KIAA1217: variants seen among roughly 807,000 people sequenced by gnomAD.
KIAA1217 encodes the protein KIAA1217.
In KIAA1217, 88 loss-of-function variants were observed where a neutral mutation model predicts 163.9. The ratio of observed to expected loss-of-function variants is 0.54; its 90% confidence interval spans 0.45 to 0.64. The LOEUF (loss-of-function observed/expected upper bound fraction) is 0.64, where lower values mean the gene tolerates loss of function less well. KIAA1217 is among the 30% of genes least tolerant of loss of function. The pLI, the probability that KIAA1217 is intolerant of heterozygous loss-of-function variation, is 0.00. For missense variants in KIAA1217, 2,372 were observed against 2,475.0 expected, an observed-to-expected ratio of 0.96 and a Z score of 0.88; for synonymous variants, 903 against 923.1, an observed-to-expected ratio of 0.98 and a Z score of 0.39.
rs114309617 is a variant in KIAA1217 at position 23,908,677 on chromosome 10, A to G, written c.-320-98548A>G. On this transcript the variant is annotated intron_variant, in intron 1 of 18. Coordinates refer to the KIAA1217 transcript ENST00000376462. ...AGTCTCTTCAGTGTCAACATTTTCA[A>G]TATCTCCCTATGCACAATGCAGTAC... Among the ~76,000 whole-genome samples the G allele has an allele frequency of 2.7e-3, 406 of 152,166 alleles. 2 individuals are homozygous for G. The highest frequency in any genetic ancestry group is 9.2e-3 in the African/African-American group (381 of 41,534).
At chr10:23,964,160 C>A (rs1844950145) in intron 1 of KIAA1217, among the ~76,000 whole-genome samples, 1 of 152,034 alleles carries the variant, frequency 6.6e-6, no homozygotes, top group Admixed American at 6.6e-5. Flanking sequence ...CCTCAGCCTC[C>A]CAAAGTGCTA....
chr10:23,867,571 T>C (rs1840253641), intron 1 of KIAA1217, among the ~76,000 whole-genome samples: 1 of 152,206 alleles, frequency 6.6e-6, no homozygotes, highest in African/African-American at 2.4e-5. Flanking sequence ...TATCTCATTG[T>C]GGTTTTGATT....
At chr10:23,858,256 C>A (rs1280724817) in intron 1 of KIAA1217, among the ~76,000 whole-genome samples, 2 of 152,018 alleles carry the variant, frequency 1.3e-5, no homozygotes, top group East Asian at 3.9e-4. Flanking sequence ...TTCAATTTAG[C>A]CTGAGAATGT....
intron 2 of KIAA1217, among the ~76,000 whole-genome samples, chr10:24,236,575 T>C (rs2131205992): frequency 6.6e-6 from 1 of 152,140 alleles, no homozygotes; most frequent in East Asian, 1.9e-4. Flanking sequence ...ATTCAGGCCA[T>C]AAATAGTTAA....
intron 1 of KIAA1217, among the ~76,000 whole-genome samples, chr10:23,728,095 C>T (rs372783114): frequency 2.0e-5 from 3 of 152,134 alleles, no homozygotes; most frequent in Non-Finnish European, 4.4e-5. Context: ...GTGAATAATG[C>T]TGCAATAAAC....
chr10:24,065,351 C>A (rs1201962179), intron 2 of KIAA1217, among the ~76,000 whole-genome samples: 4 of 151,962 alleles, frequency 2.6e-5, no homozygotes, highest in Non-Finnish European at 4.4e-5. Flanking sequence ...TGTCTTTGTT[C>A]TCGTTGGTTT....
chr10:24,147,670 C>T (rs1445815425), intron 2 of KIAA1217, among the ~76,000 whole-genome samples: 2 of 150,874 alleles, frequency 1.3e-5, no homozygotes, highest in Non-Finnish European at 3.0e-5. Context: ...TGACGAAATC[C>T]AGTCTCCATT....
intron 1 of KIAA1217, among the ~76,000 whole-genome samples, chr10:23,789,768 A>G (rs1205018109): frequency 2.0e-5 from 3 of 151,888 alleles, no homozygotes; most frequent in Non-Finnish European, 2.9e-5. Flanking sequence ...GGAAGTTCTT[A>G]TAAGTACTAT....
chr10:23,788,467 C>T (rs1835596573), intron 1 of KIAA1217, among the ~76,000 whole-genome samples: 1 of 152,120 alleles, frequency 6.6e-6, no homozygotes, highest in East Asian at 1.9e-4. Context: ...TCTCCAGATG[C>T]CCAGAATTTA....
chr10:24,435,093 T>TA (rs2059918233), intron 4 of KIAA1217, among the ~76,000 whole-genome samples: 1 of 152,246 alleles, frequency 6.6e-6, no homozygotes, highest in African/African-American at 2.4e-5. Flanking sequence ...ATAATAAATG[T>TA]AAACTGATCT....
In KIAA1217 at chr10:24,473,399, G is replaced by T; in HGVS notation, c.1018G>T (p.Val340Phe). ...TTATGGGGGCACCCGCTCCATGGTT[G>T]TTCCTGGCAATGCCACCATCCCCAG... ...IPYGGTRSMV[V>F]PGNATIPRDR... The change falls in exon 6 of 21, where the codon GTT becomes TTT. Residue 340 changes from valine (V) to phenylalanine (F), a missense_variant. Physicochemically the swap from Val to Phe is conservative, Grantham distance 50. Coordinates refer to ENST00000376454, the MANE Select transcript of KIAA1217 (RefSeq NM_019590.5). The T allele has an allele frequency of 6.2e-7, 1 of 1,613,726 alleles. No homozygotes were observed. Among genetic ancestry groups the T allele is most frequent in the Non-Finnish European group, 8.5e-7 (1 of 1,179,862 alleles).
chr10:24,411,668 C>A lies in KIAA1217; in HGVS notation c.554-21327C>A, dbSNP rs374741405. ...TATAAATTTTCTTAAATTGAGACAT[C>A]CTTTTCTATTATATTTGCAAGTATC... is the stretch of plus-strand genomic sequence containing the variant. On this transcript the variant is annotated intron_variant, in intron 3 of 20. Coordinates refer to ENST00000376454, the MANE Select transcript of KIAA1217 (RefSeq NM_019590.5). Among the ~76,000 whole-genome samples, 14 of 152,006 alleles carry A rather than the reference C, an allele frequency of 9.2e-5. No individual in the cohort carries two copies. The East Asian group carries it at 1.3e-3, about 15-fold the overall frequency.
At chr10:23,998,259 C>G (rs12358374) in intron 1 of KIAA1217, among the ~76,000 whole-genome samples, 1 of 152,114 alleles carries the variant, frequency 6.6e-6, no homozygotes, top group African/African-American at 2.4e-5. Context: ...ACTTTGCAGT[C>G]TGGCCCCATC....
intron 2 of KIAA1217, among the ~76,000 whole-genome samples, chr10:24,134,658 C>T (rs1300776636): frequency 2.6e-5 from 4 of 152,132 alleles, no homozygotes; most frequent in Non-Finnish European, 5.9e-5. Flanking sequence ...ACTGCAGCCT[C>T]GAACCCCTGG....
intron 2 of KIAA1217, among the ~76,000 whole-genome samples, chr10:24,332,530 A>G (rs1216546378): frequency 4.6e-5 from 7 of 152,046 alleles, no homozygotes; most frequent in Admixed American, 4.6e-4. Flanking sequence ...ATGTGGTTTT[A>G]AAAAGAGCAA....
intron 2 of KIAA1217, among the ~76,000 whole-genome samples, chr10:24,169,255 T>C (rs1345485278): frequency 6.6e-6 from 1 of 152,226 alleles, no homozygotes; most frequent in Non-Finnish European, 1.5e-5. Context: ...CTCATCACAC[T>C]TGGCATAAAA....
At chr10:24,230,355 A>G (rs904235992) in intron 2 of KIAA1217, among the ~76,000 whole-genome samples, 15 of 152,114 alleles carry the variant, frequency 9.9e-5, no homozygotes, top group Non-Finnish European at 2.1e-4. Context: ...GAAATGCTCC[A>G]CCATGGCCTT....
rs146469046 is a variant in KIAA1217, at chr10:24,477,259, A to G, written c.1679+3199A>G. Among the ~76,000 whole-genome samples the G allele has an allele frequency of 4.6e-4, 70 of 152,338 alleles. 1 individual carries two copies. The East Asian group carries it at 0.012, about 27-fold the overall frequency. On this transcript the variant is annotated intron_variant, in intron 6 of 20. Coordinates refer to ENST00000376454, the MANE Select transcript of KIAA1217 (RefSeq NM_019590.5). ...GAGAGCCTTTTATGAGCCAAGCACT[A>G]TGTGAAGTGGTTTCTATACATTATA... is the stretch of plus-strand genomic sequence containing the variant.
At chr10:24,225,335 A>C (rs963868114) in intron 2 of KIAA1217, among the ~76,000 whole-genome samples, 1 of 151,974 alleles carries the variant, frequency 6.6e-6, no homozygotes, top group Non-Finnish European at 1.5e-5. Context: ...TGTTGCCCAG[A>C]TTGGTCTTCA....
Sources: gnomAD v4.1 joint callset for allele counts (sites outside exome capture counted in the v4.1 genomes callset) on GRCh38, gnomAD v4.1.1 for gene constraint, MANE v1.5 for transcripts, NCBI Gene and HGNC (gene_info 2026-07-23, HGNC 2026-07-21) for gene names.